The following CLSTN2 variants were observed in gnomAD, a reference collection of about 807,000 sequenced individuals.
CLSTN2 encodes calsyntenin 2, also known as calsyntenin-2.
CLSTN2 carries 48 observed loss-of-function variants against 101.2 expected under a neutral mutation model. That is an observed-to-expected ratio of 0.47 (90% CI 0.38 to 0.60). The LOEUF (loss-of-function observed/expected upper bound fraction) is 0.60, where lower values mean the gene tolerates loss of function less well. CLSTN2 is among the 20% of genes least tolerant of loss of function. CLSTN2 has a pLI of 0.00. For synonymous variants in CLSTN2, 481 were observed against 463.6 expected, an observed-to-expected ratio of 1.04 and a Z score of -0.48; for missense variants, 1,160 against 1,238.2, an observed-to-expected ratio of 0.94 and a Z score of 0.95.
intron 1 of CLSTN2, among the ~76,000 whole-genome samples, chr3:140,034,123 A>G (rs1325826790): frequency 6.6e-6 from 1 of 152,230 alleles, no homozygotes; most frequent in African/African-American, 2.4e-5. Flanking sequence ...TGGGGTTAAC[A>G]CTGACAATCC....
intron 2 of CLSTN2, among the ~76,000 whole-genome samples, chr3:140,288,469 T>G (rs1299740341): frequency 6.6e-6 from 1 of 152,106 alleles, no homozygotes; most frequent in Non-Finnish European, 1.5e-5. Context: ...ATTTCCCAGG[T>G]GTTTTAGAAA....
intron 6 of CLSTN2, among the ~76,000 whole-genome samples, chr3:140,448,919 T>A (rs2108009194): frequency 6.6e-6 from 1 of 152,290 alleles, no homozygotes; most frequent in East Asian, 1.9e-4. Context: ...TTATTAGTTA[T>A]GTGGCCTTGG....
intron 2 of CLSTN2, among the ~76,000 whole-genome samples, chr3:140,228,244 C>T (rs962485709): frequency 6.6e-6 from 1 of 152,064 alleles, no homozygotes; most frequent in African/African-American, 2.4e-5. Flanking sequence ...TGCCAGATAC[C>T]CTAAATCATC....
intron 1 of CLSTN2, among the ~76,000 whole-genome samples, chr3:140,034,587 G>A (rs1349960388): frequency 6.6e-6 from 1 of 152,218 alleles, no homozygotes; most frequent in African/African-American, 2.4e-5. Flanking sequence ...TGTAGGCTTA[G>A]GGGAGCCCAC....
chr3:140,480,552 A>T (rs1299436242), intron 8 of CLSTN2, among the ~76,000 whole-genome samples: 1 of 152,232 alleles, frequency 6.6e-6, no homozygotes, highest in African/African-American at 2.4e-5. Flanking sequence ...ACTAGTTTAC[A>T]GTCCCGCCAA....
At chr3:140,206,869 G>C (rs1297246650) in intron 2 of CLSTN2, among the ~76,000 whole-genome samples, 1 of 152,120 alleles carries the variant, frequency 6.6e-6, no homozygotes, top group Middle Eastern at 3.2e-3. Flanking sequence ...ATAGACATCT[G>C]GTGGGCAGAT....
At chr3:140,526,078 G>C (rs965757020) in intron 8 of CLSTN2, among the ~76,000 whole-genome samples, 5 of 152,106 alleles carry the variant, frequency 3.3e-5, no homozygotes, top group African/African-American at 1.2e-4. Context: ...CCTAGTCAGA[G>C]CAATTAGGCA....
intron 2 of CLSTN2, among the ~76,000 whole-genome samples, chr3:140,318,566 T>C (rs150564957): frequency 1.6e-3 from 239 of 152,288 alleles, no homozygotes; most frequent in African/African-American, 4.7e-3. Flanking sequence ...TAAACATTAG[T>C]GATTAACTGT....
chr3:140,477,445 T>G (rs1934011570), intron 8 of CLSTN2, among the ~76,000 whole-genome samples: 1 of 152,012 alleles, frequency 6.6e-6, no homozygotes, highest in African/African-American at 2.4e-5. Context: ...TGGTTTTAGG[T>G]GCAAGAATAG....
At chr3:140,239,290 C>T (rs562598781) in intron 2 of CLSTN2, among the ~76,000 whole-genome samples, 1 of 152,114 alleles carries the variant, frequency 6.6e-6, no homozygotes, top group South Asian at 2.1e-4. Flanking sequence ...AATACATACA[C>T]GTATGATTAC....
At chr3:140,002,248 TAA>T (rs1427451517) in intron 1 of CLSTN2, among the ~76,000 whole-genome samples, 1 of 152,214 alleles carries the variant, frequency 6.6e-6, no homozygotes, top group East Asian at 1.9e-4. Flanking sequence ...CTTTTGGATA[TAA>T]GTTATTTTAA....
At chr3:140,410,343 T>C (rs537213111) in intron 4 of CLSTN2, among the ~76,000 whole-genome samples, 2 of 151,584 alleles carry the variant, frequency 1.3e-5, no homozygotes, top group African/African-American at 4.8e-5. Flanking sequence ...TATCAGTATA[T>C]TTCTCAACAG....
At chr3:140,027,679 A>G (rs902162865) in intron 1 of CLSTN2, among the ~76,000 whole-genome samples, 1 of 152,150 alleles carries the variant, frequency 6.6e-6, no homozygotes, top group African/African-American at 2.4e-5. Context: ...TCTGCTCATG[A>G]GTGAGCTTTG....
At chr3:140,508,511 A>C (rs1035808253) in intron 8 of CLSTN2, 2 of 152,230 alleles carry the variant, frequency 1.3e-5, no homozygotes, top group South Asian at 4.1e-4. Flanking sequence ...TAGAACCCAT[A>C]GGATGGGACC....
At chr3:140,443,057 C>T (rs1452226312) in intron 5 of CLSTN2, among the ~76,000 whole-genome samples, 1 of 152,242 alleles carries the variant, frequency 6.6e-6, no homozygotes, top group African/African-American at 2.4e-5. Context: ...TGTCAGCTGC[C>T]TGAACAATCC....
At chr3:140,121,935 C>G (rs1335984564) in intron 1 of CLSTN2, among the ~76,000 whole-genome samples, 1 of 152,104 alleles carries the variant, frequency 6.6e-6, no homozygotes, top group Non-Finnish European at 1.5e-5. Context: ...CTGAGAAAAC[C>G]AATTCTCATT....
chr3:139,976,452 A>T (rs900409069), intron 1 of CLSTN2, among the ~76,000 whole-genome samples: 3 of 152,238 alleles, frequency 2.0e-5, no homozygotes, highest in African/African-American at 7.2e-5. Flanking sequence ...CAAAGTGGGA[A>T]GTAGGTACTG....
chr3:140,290,624 G>A (rs539150803), intron 2 of CLSTN2, among the ~76,000 whole-genome samples: 3 of 152,292 alleles, frequency 2.0e-5, no homozygotes, highest in East Asian at 3.9e-4. Flanking sequence ...ACCTACAAGC[G>A]ACTGACAAGG....
intron 1 of CLSTN2, among the ~76,000 whole-genome samples, chr3:140,151,790 T>G (rs529207085): frequency 1.3e-5 from 2 of 152,366 alleles, no homozygotes; most frequent in South Asian, 2.1e-4. Flanking sequence ...AGACACCTAC[T>G]GTGCTGCCAG....
Sources: gnomAD v4.1 joint callset for allele counts (sites outside exome capture counted in the v4.1 genomes callset) on GRCh38, gnomAD v4.1.1 for gene constraint, MANE v1.5 for transcripts, NCBI Gene and HGNC (gene_info 2026-07-23, HGNC 2026-07-21) for gene names.